The following RNF43 variants were observed in gnomAD, a reference collection of about 807,000 sequenced individuals.
The protein encoded by RNF43 is ring finger protein 43.
A neutral mutation model predicts 78.4 loss-of-function variants in RNF43; 37 were observed. The observed-to-expected ratio is 0.47, with a 90% confidence interval of 0.36 to 0.62. The LOEUF (loss-of-function observed/expected upper bound fraction) is 0.62. Among genes scored for constraint, RNF43 ranks in the 20% least tolerant of loss-of-function variants. RNF43 has a pLI of 0.00. For synonymous variants in RNF43, 347 were observed against 395.0 expected (o/e 0.88, Z 1.44); for missense variants, 774 against 1,007.9 (o/e 0.77, Z 3.14).
chr17:58,375,188 T>C (rs1258917778), intron 2 of RNF43, among the ~76,000 whole-genome samples: 1 of 152,220 alleles, frequency 6.6e-6, no homozygotes, highest in East Asian at 1.9e-4. Context: ...GTTCTCTATA[T>C]TGCAGCCAAA....
intron 2 of RNF43, among the ~76,000 whole-genome samples, chr17:58,376,881 G>A (rs1035265673): frequency 6.6e-6 from 1 of 152,112 alleles, no homozygotes; most frequent in African/African-American, 2.4e-5. Flanking sequence ...CTGCCATGAG[G>A]GGCAAATTAA....
Position 58,357,838 on chromosome 17 carries a change from G to A in RNF43, c.1938C>T (p.Ser646=), listed in dbSNP as rs2143395594. 1 of 1,614,172 alleles carries A rather than the reference G, an allele frequency of 6.2e-7. No homozygotes were observed. Among genetic ancestry groups the A allele is most frequent in the South Asian group, 1.1e-5 (1 of 91,086 alleles). ...TSSLFNLQKS[S]LSARHPQRKR... ...TCCTCTGTGGGTGTCGGGCAGAGAG[G>A]CTGGATTTTTGCAAGTTGAACAGAC... is the stretch of plus-strand genomic sequence containing the variant. The change falls in exon 9 of 10, where the codon AGC becomes AGT. Residue 646 remains serine (S), a synonymous_variant. Transcript: ENST00000407977. The surrounding 1 kb of genome is among the most constrained non-coding windows in gnomAD (Gnocchi z 4.5).
chr17:58,371,924 CA>C (rs1485625234), intron 2 of RNF43, among the ~76,000 whole-genome samples: 9 of 152,214 alleles, frequency 5.9e-5, no homozygotes, highest in Non-Finnish European at 1.2e-4. Flanking sequence ...TTTGTACACC[CA>C]TTTGAATCTA....
rs2680702 is a variant in RNF43, at chr17:58,354,188, A to G, written c.*755T>C. On this transcript the variant is annotated 3_prime_UTR_variant, in exon 10 of 10. Transcript: ENST00000407977. The stretch of plus-strand genomic sequence containing the variant: ...CATTCCATCCTTCCTCTGCCCAGAT[A>G]AAGTCCAGCAGAAATTCCTCCTTTC... 0.33 allele frequency: 66,606 copies of G among 203,100 alleles called. 11,197 individuals carry two copies. The highest frequency in any genetic ancestry group is 0.37 in the Non-Finnish European group (36,724 of 98,966). The allele number at this position is 203,100 out of a possible 1,614,324, so 12.6% of individuals were successfully genotyped here.
chr17:58,356,689 A>C (rs910207382), intron 9 of RNF43, among the ~76,000 whole-genome samples: 3 of 152,090 alleles, frequency 2.0e-5, no homozygotes, highest in Non-Finnish European at 4.4e-5. Flanking sequence ...CGTTGTTCAC[A>C]TAGCTCTTCT....
intron 2 of RNF43, among the ~76,000 whole-genome samples, chr17:58,373,194 G>A (rs570999496): frequency 5.3e-5 from 8 of 152,308 alleles, no homozygotes; most frequent in Non-Finnish European, 1.5e-5. Context: ...ACTCCAAGAT[G>A]CCGCTCACTG....
chr17:58,365,807 G>A (rs1250338607), intron 3 of RNF43, among the ~76,000 whole-genome samples: 1 of 152,156 alleles, frequency 6.6e-6, no homozygotes, highest in Non-Finnish European at 1.5e-5. Context: ...GGACAGGAAG[G>A]CAGTTTTAGA....
At chr17:58,371,069 T>C (rs376915958) in intron 2 of RNF43, 36 bp from the exon 3 acceptor site, 1 of 1,532,924 alleles carries the variant, frequency 6.5e-7, no homozygotes, top group Non-Finnish European at 8.8e-7. Flanking sequence ...AGGGAGGCTT[T>C]AGGCAGCAGG....
intron 2 of RNF43, among the ~76,000 whole-genome samples, chr17:58,387,458 C>T (rs938582568): frequency 2.6e-5 from 4 of 152,084 alleles, no homozygotes; most frequent in Admixed American, 1.3e-4. Context: ...CGAGACCAGC[C>T]TGGCCAACAT....
chr17:58,391,308 G>T (rs1973553461), intron 2 of RNF43, among the ~76,000 whole-genome samples: 1 of 152,132 alleles, frequency 6.6e-6, no homozygotes, highest in African/African-American at 2.4e-5. Context: ...CCTGGTCAGG[G>T]ATCCCACCTC....
intron 2 of RNF43, among the ~76,000 whole-genome samples, chr17:58,392,487 T>C (rs1973580670): frequency 2.6e-5 from 4 of 152,218 alleles, no homozygotes; most frequent in Non-Finnish European, 2.9e-5. Context: ...GGGAAATAAA[T>C]GGCAGTCCCT....
chr17:58,397,478 T>C (rs1350364447), intron 2 of RNF43, among the ~76,000 whole-genome samples: 1 of 152,038 alleles, frequency 6.6e-6, no homozygotes, highest in Non-Finnish European at 1.5e-5. Flanking sequence ...CAGGCCAACA[T>C]GGTGAAACCC....
intron 2 of RNF43, among the ~76,000 whole-genome samples, chr17:58,380,626 G>T (rs1454095847): frequency 2.6e-5 from 4 of 152,218 alleles, no homozygotes; most frequent in Non-Finnish European, 5.9e-5. Context: ...ACTAAAGCCA[G>T]ACAGTCCCTG....
intron 2 of RNF43, among the ~76,000 whole-genome samples, chr17:58,397,369 A>G (rs934590958): frequency 5.3e-5 from 8 of 152,188 alleles, no homozygotes; most frequent in African/African-American, 1.9e-4. Flanking sequence ...CGCTAATAAT[A>G]AAAGTTTTTG....
intron 2 of RNF43, among the ~76,000 whole-genome samples, chr17:58,403,439 T>G (rs940576127): frequency 6.6e-6 from 1 of 152,164 alleles, no homozygotes; most frequent in Non-Finnish European, 1.5e-5. Context: ...AAGAAAAGGT[T>G]TTTCTGAAGT....
chr17:58,378,465 C>T (rs1474811072), intron 2 of RNF43, among the ~76,000 whole-genome samples: 1 of 152,144 alleles, frequency 6.6e-6, no homozygotes, highest in African/African-American at 2.4e-5. Context: ...CCATATTGCC[C>T]AAGCTGGTCT....
chr17:58,413,820 G>A, intron 2 of RNF43, among the ~76,000 whole-genome samples: 1 of 152,106 alleles, frequency 6.6e-6, no homozygotes, highest in East Asian at 1.9e-4. Flanking sequence ...TTAGCCCACT[G>A]AACATGCTAT....
rs752557511 is a variant in RNF43 at position 58,415,536 on chromosome 17, G to C, written c.42C>G (p.Pro14=). ...GHQLQLAALW[P]WLLMATLQAG... is the part of the protein sequence containing the mutation. ...CCTGCAGGGTAGCCATCAGCAGCCAGGGCCAGAGGGCAGCCAGCTGCAGCT... is the reference window on the plus strand; with the variant it reads ...CCTGCAGGGTAGCCATCAGCAGCCACGGCCAGAGGGCAGCCAGCTGCAGCT... Residue 14 remains proline, a synonymous_variant, in exon 2 of 10, where the codon CCC becomes CCG. Transcript: ENST00000407977. 10 of 1,611,060 alleles carry C rather than the reference G, an allele frequency of 6.2e-6. No individual in the cohort carries two copies. Among genetic ancestry groups the C allele is most frequent in the East Asian group, 2.2e-5 (1 of 44,886 alleles).
intron 2 of RNF43, among the ~76,000 whole-genome samples, chr17:58,407,815 A>C (rs1272830766): frequency 1.3e-5 from 2 of 152,238 alleles, no homozygotes; most frequent in Non-Finnish European, 2.9e-5. Flanking sequence ...AGTTTTCTGA[A>C]TGTAGTAACT....
Sources: allele counts gnomAD v4.1 joint callset (sites outside exome capture counted in the v4.1 genomes callset), GRCh38; gene constraint gnomAD v4.1.1; non-coding constraint Gnocchi (gnomAD v3.1); transcripts MANE v1.5; gene names NCBI Gene and HGNC (gene_info 2026-07-23, HGNC 2026-07-21).